The following RPE65 variants were observed in gnomAD, a reference collection of about 807,000 sequenced individuals.
RPE65 encodes retinoid isomerohydrolase.
In RPE65, 58 loss-of-function variants were observed where a neutral mutation model predicts 68.5. That is an observed-to-expected ratio of 0.85 (90% CI 0.69 to 1.05). RPE65 has a LOEUF of 1.05. RPE65 is among the 50% of genes least tolerant of loss of function. RPE65 has a pLI of 0.00. For synonymous variants in RPE65, 220 were observed against 222.2 expected (o/e 0.99, Z 0.09); for missense variants, 643 against 629.9 (o/e 1.02, Z -0.22).
At chr1:68,436,143 A>C (rs1056085533) in intron 10 of RPE65, among the ~76,000 whole-genome samples, 2 of 152,214 alleles carry the variant, frequency 1.3e-5, no homozygotes, top group African/African-American at 4.8e-5. Context: ...ATTTCCTTAA[A>C]GATGATTGTG....
chr1:68,441,826 G>C (rs571076350), intron 5 of RPE65, among the ~76,000 whole-genome samples: 1 of 152,096 alleles, frequency 6.6e-6, no homozygotes, highest in Non-Finnish European at 1.5e-5. Context: ...TTTTTTTAAA[G>C]CATAGGACAT....
intron 4 of RPE65, 32 bp downstream of exon 4, chr1:68,444,744 T>C: frequency 6.2e-7 from 1 of 1,613,914 alleles, no homozygotes; most frequent in Admixed American, 1.7e-5. Flanking sequence ...ATATAAAATG[T>C]CTTGAGTAAC....
chr1:68,445,817 G>A (rs578174625), intron 3 of RPE65, among the ~76,000 whole-genome samples: 42 of 151,964 alleles, frequency 2.8e-4, no homozygotes, highest in African/African-American at 8.7e-4. Context: ...ACACCCGGTC[G>A]CACTTTTATG....
intron 6 of RPE65, among the ~76,000 whole-genome samples, chr1:68,440,324 A>G (rs149299400): frequency 9.9e-5 from 15 of 152,274 alleles, no homozygotes; most frequent in African/African-American, 3.6e-4. Flanking sequence ...TGAACAATGA[A>G]CCTGGCAATA....
chr1:68,439,478 G>C lies in RPE65; in HGVS notation c.725+83C>G, dbSNP rs1024650016. ...TTAGTTTTCTGCAAAAAAATATTGT[G>C]ATCAGGATTGGTATCAAAGGTAGGC... On this transcript the variant is annotated intron_variant, in intron 7 of 13. Coordinates refer to ENST00000262340, the MANE Select transcript of RPE65 (RefSeq NM_000329.3). 25 of 1,558,388 alleles carry C rather than the reference G, an allele frequency of 1.6e-5. No homozygotes were observed. In the African/African-American group the frequency reaches 3.4e-4, roughly 21 times the overall value.
At chr1:68,443,700 G>A (rs889787394) in intron 5 of RPE65, among the ~76,000 whole-genome samples, 6 of 151,894 alleles carry the variant, frequency 4.0e-5, no homozygotes, top group African/African-American at 1.2e-4. Flanking sequence ...TAAAAGACTC[G>A]TCATATTCTT....
chr1:68,437,459 T>C (rs1226457110), intron 10 of RPE65, among the ~76,000 whole-genome samples: 1 of 152,240 alleles, frequency 6.6e-6, no homozygotes, highest in Non-Finnish European at 1.5e-5. Flanking sequence ...TATTTTCTAC[T>C]ACACCATATC....
intron 2 of RPE65, among the ~76,000 whole-genome samples, chr1:68,447,534 G>C (rs1645951156): frequency 6.6e-6 from 1 of 152,140 alleles, no homozygotes; most frequent in South Asian, 2.1e-4. Flanking sequence ...AGTCCTTAAG[G>C]CCTCTCAGCT....
At chr1:68,434,721 G>C (rs1645848743) in intron 10 of RPE65, among the ~76,000 whole-genome samples, 1 of 135,986 alleles carries the variant, frequency 7.4e-6, no homozygotes, top group Non-Finnish European at 1.5e-5. Context: ...TAGATTTCCT[G>C]TTTGTTTGTT....
At chr1:68,444,906 G>T in intron 3 of RPE65, 23 bp from the exon 4 acceptor site, 1 of 1,606,264 alleles carries the variant, frequency 6.2e-7, no homozygotes, top group Admixed American at 1.7e-5. Flanking sequence ...GAAACATAGG[G>T]AAGAGTATAG....
intron 3 of RPE65, 54 bp from the exon 4 acceptor site, chr1:68,444,937 C>A: frequency 6.7e-7 from 1 of 1,484,026 alleles, no homozygotes; most frequent in Non-Finnish European, 9.4e-7. Flanking sequence ...TCCGTACAGC[C>A]CATGTGGAGC....
intron 3 of RPE65, 76 bp downstream of exon 3, chr1:68,446,634 T>C: frequency 6.3e-7 from 1 of 1,591,392 alleles, no homozygotes; most frequent in Non-Finnish European, 8.6e-7. Flanking sequence ...AGTTCAGAGG[T>C]GAAAACTCAC....
At position 68,429,754 on chromosome 1, in the gene RPE65, A is replaced by C. The variant is rs1166615488; in HGVS notation, c.*22T>G. Reference sequence around the variant, plus strand: ...TGATTTTCTCAGTTTTGCTACCAAAAACATATCTTGCTGGAGTATGCTCAA... The same window carrying C: ...TGATTTTCTCAGTTTTGCTACCAAACACATATCTTGCTGGAGTATGCTCAA... On this transcript the variant is annotated 3_prime_UTR_variant, in exon 14 of 14. Coordinates refer to ENST00000262340, the MANE Select transcript of RPE65 (RefSeq NM_000329.3). 1 of 1,613,258 alleles carries C rather than the reference A, an allele frequency of 6.2e-7. No homozygotes were observed. The highest frequency in any genetic ancestry group is 8.5e-7 in the Non-Finnish European group (1 of 1,179,538).
Position 68,440,996 on chromosome 1 carries a change from T to G in RPE65, c.500A>C (p.Asp167Ala), listed in dbSNP as rs770565619. Reference protein sequence around the residue: ...PETLETIKQVDLCNYVSVNGA... With the variant: ...PETLETIKQVALCNYVSVNGA... The stretch of plus-strand genomic sequence containing the variant: ...ATTGACAGAGACATAGTTGCAAAGA[T>G]CAACCTACGGAAGTAAAGTGAATGT... The change falls in exon 6 of 14, where the codon GAT (aspartate) becomes GCT (alanine). Residue 167 changes from aspartate (D) to alanine (A), a missense_variant. Asp to Ala is a moderately radical substitution (Grantham distance 126). Transcript: ENST00000262340. The G allele has an allele frequency of 6.2e-7, 1 of 1,613,812 alleles. No homozygotes were observed. The highest frequency in any genetic ancestry group is 8.5e-7 in the Non-Finnish European group (1 of 1,179,808).
At chr1:68,439,159 T>C in intron 8 of RPE65, 32 bp downstream of exon 8, 1 of 1,614,044 alleles carries the variant, frequency 6.2e-7, no homozygotes, top group Non-Finnish European at 8.5e-7. Flanking sequence ...TTCTTCAGAA[T>C]CACAAACTTG....
At chr1:68,438,370 G>A in intron 9 of RPE65, 54 bp from the exon 10 acceptor site, 1 of 1,596,336 alleles carries the variant, frequency 6.3e-7, no homozygotes, top group Middle Eastern at 2.1e-4. Context: ...TAATTTTAGA[G>A]AGATGATTCT....
intron 1 of RPE65, 22 bp from the exon 2 acceptor site, chr1:68,448,728 G>A (rs1167669054): frequency 6.2e-7 from 1 of 1,606,216 alleles, no homozygotes; most frequent in Non-Finnish European, 8.5e-7. Flanking sequence ...GAAGAATAAG[G>A]AAGAAGCCCA....
intron 5 of RPE65, among the ~76,000 whole-genome samples, chr1:68,443,509 G>A (rs532132856): frequency 3.2e-4 from 49 of 152,136 alleles, no homozygotes; most frequent in Admixed American, 1.0e-3. Flanking sequence ...GCTTTTGATC[G>A]CTTTACCCCC....
chr1:68,444,614 G>A lies in RPE65; in HGVS notation c.412C>T (p.Pro138Ser). The change falls in exon 5 of 14, where the codon CCA becomes TCA. Residue 138 changes from proline to serine, a missense_variant. Transcript: ENST00000262340. ...VTDNALVNVY[P>S]VGEDYYACTE... ...CAAGCGTAGTAATCTTCCCCCACTG[G>A]GTAGACATTAACAAGGGCATTGTCA... 1 of 1,613,898 alleles carries A rather than the reference G, an allele frequency of 6.2e-7. No individual in the cohort carries two copies. The highest frequency in any genetic ancestry group is 1.3e-5 in the African/African-American group (1 of 74,928).
Sources: allele counts gnomAD v4.1 joint callset (sites outside exome capture counted in the v4.1 genomes callset), GRCh38; gene constraint gnomAD v4.1.1; transcripts MANE v1.5; gene names NCBI Gene and HGNC (gene_info 2026-07-23, HGNC 2026-07-21).